The following SELENOK variants were observed in gnomAD, a reference collection of about 807,000 sequenced individuals.
The protein encoded by SELENOK is selenoprotein K.
In SELENOK, 11 loss-of-function variants were observed where a neutral mutation model predicts 17.3. The observed-to-expected ratio is 0.63, with a 90% confidence interval of 0.40 to 1.05. The LOEUF (loss-of-function observed/expected upper bound fraction) is 1.05, where lower values mean the gene tolerates loss of function less well. SELENOK is among the 50% of genes least tolerant of loss of function. The pLI, the probability that SELENOK is intolerant of heterozygous loss-of-function variation, is 0.00. For synonymous variants in SELENOK, 45 were observed against 35.4 expected (o/e 1.27, Z -0.97); for missense variants, 125 against 113.9 (o/e 1.10, Z -0.44).
At chr3:53,889,649 C>G (rs1389172091) in intron 1 of SELENOK, among the ~76,000 whole-genome samples, 1 of 152,194 alleles carries the variant, frequency 6.6e-6, no homozygotes, top group Non-Finnish European at 1.5e-5. Context: ...ATGCTCACAC[C>G]ACTTCCATAT....
intron 2 of SELENOK, chr3:53,887,989 T>C (rs1471791483): frequency 2.6e-5 from 4 of 152,772 alleles, no homozygotes; most frequent in African/African-American, 7.2e-5. Context: ...TCTTTGGAAT[T>C]TTTTTTAAAC....
At position 53,886,863 on chromosome 3, in the gene SELENOK, T is replaced by C; in HGVS notation, c.182A>G (p.Asp61Gly). 1 of 1,562,554 alleles carries C rather than the reference T, an allele frequency of 6.4e-7. No homozygotes were observed. The highest frequency in any genetic ancestry group is 8.7e-7 in the Non-Finnish European group (1 of 1,151,424). The change falls in exon 3 of 5, where the codon GAT (aspartate) becomes GGT (glycine). Residue 61 changes from aspartate (D) to glycine (G), a missense_variant. By Grantham distance (94) the Asp-to-Gly change is moderately conservative. Coordinates refer to ENST00000495461, the MANE Select transcript of SELENOK (RefSeq NM_021237.5). ...SYGNSSDSRY[D>G]DGRGPPGNPP... ...TAAAAAGCTGTACCCTCTTCCATCA[T>C]CATATCTGGAATCAGATGAGTTTCC...
In SELENOK at chr3:53,888,453, G is replaced by A. The variant is rs1181239257; in HGVS notation, c.50C>T (p.Pro17Leu). 1.2e-6 allele frequency: 2 copies of A among 1,611,952 alleles called. No individual in the cohort carries two copies. Among genetic ancestry groups the A allele is most frequent in the Admixed American group, 3.3e-5 (2 of 59,976 alleles). ...GQVLDSRSQS[P>L]WRLSLITDFF... Reference sequence around the variant, plus strand: ...ATCTGTTATCAAAGATAATCTCCATGGAGACTGACTCCGGCTGTCCAACAC... The same window carrying A: ...ATCTGTTATCAAAGATAATCTCCATAGAGACTGACTCCGGCTGTCCAACAC... The change falls in exon 2 of 5, where the codon CCA becomes CTA. Residue 17 changes from proline to leucine, a missense_variant. By Grantham distance (98) the Pro-to-Leu change is moderately conservative. Transcript: ENST00000495461.
intron 1 of SELENOK, among the ~76,000 whole-genome samples, chr3:53,889,759 T>A (rs1244811257): frequency 6.6e-6 from 1 of 152,242 alleles, no homozygotes; most frequent in Non-Finnish European, 1.5e-5. Flanking sequence ...ATCAGTTATT[T>A]TTATAAAATT....
chr3:53,886,199 T>C (rs28374298), intron 3 of SELENOK, among the ~76,000 whole-genome samples: 3 of 152,096 alleles, frequency 2.0e-5, no homozygotes, highest in Non-Finnish European at 4.4e-5. Context: ...TTTTGCCAGG[T>C]AGAAACATAA....
chr3:53,890,646 A>T (rs1700161092), intron 1 of SELENOK, among the ~76,000 whole-genome samples: 1 of 152,242 alleles, frequency 6.6e-6, no homozygotes, highest in African/African-American at 2.4e-5. Context: ...GCTATAAAAC[A>T]GGCTATAAAA....
At chr3:53,889,157 T>A (rs1476839361) in intron 1 of SELENOK, among the ~76,000 whole-genome samples, 4 of 152,198 alleles carry the variant, frequency 2.6e-5, no homozygotes, top group African/African-American at 9.6e-5. Context: ...AAGAGTACAG[T>A]TCTGTGATAT....
chr3:53,888,296 A>C (rs1700141101), intron 2 of SELENOK, 97 bp downstream of exon 2: 1 of 776,536 alleles, frequency 1.3e-6, no homozygotes, highest in African/African-American at 1.7e-5. Flanking sequence ...AAACTGTTTC[A>C]GGAAAGTTGA....
chr3:53,885,460 A>T lies in SELENOK; in HGVS notation c.*98T>A. On this transcript the variant is annotated 3_prime_UTR_variant, in exon 5 of 5. Coordinates refer to ENST00000495461, the MANE Select transcript of SELENOK (RefSeq NM_021237.5). ...GAGCAGTCCTTGTTTAGACATACAC[A>T]TTCATCTACTGCTCATCATGGTCAG... 8.5e-7 allele frequency: 1 copy of T among 1,181,640 alleles called. No individual in the cohort carries two copies. Among genetic ancestry groups the T allele is most frequent in the South Asian group, 1.3e-5 (1 of 74,852 alleles). 73.2% of individuals were successfully genotyped at this position (1,181,640 alleles called of 1,614,324 possible).
At chr3:53,891,256 C>CCTGTGATCGAATCCCGACTTGG (rs1362821400) in intron 1 of SELENOK, among the ~76,000 whole-genome samples, 1 of 152,174 alleles carries the variant, frequency 6.6e-6, no homozygotes, top group Non-Finnish European at 1.5e-5. Flanking sequence ...CGTCAGCCTA[C>CCTGTGATCGAATCCCGACTTGG]CTGTGATCGA....
At chr3:53,889,479 A>G (rs1700152304) in intron 1 of SELENOK, among the ~76,000 whole-genome samples, 1 of 152,240 alleles carries the variant, frequency 6.6e-6, no homozygotes, top group Non-Finnish European at 1.5e-5. Flanking sequence ...CCTTGTATGT[A>G]TATACTACAT....
At chr3:53,891,703 G>A in intron 1 of SELENOK, 67 bp downstream of exon 1, 1 of 1,596,124 alleles carries the variant, frequency 6.3e-7, no homozygotes. Flanking sequence ...AGCGAGCGAC[G>A]ATGAAAGGAA....
In SELENOK at chr3:53,891,775, G is replaced by A; in HGVS notation, c.14C>T (p.Ser5Leu). The A allele has an allele frequency of 1.2e-6, 2 of 1,614,000 alleles. No individual in the cohort carries two copies. Among genetic ancestry groups the A allele is most frequent in the Middle Eastern group, 1.6e-4 (1 of 6,062 alleles). The change falls in exon 1 of 5, where the codon TCG becomes TTG. Residue 5 changes from serine to leucine, a missense_variant. Physicochemically the swap from Ser to Leu is moderately radical, Grantham distance 145 (BLOSUM62 -2). Transcript: ENST00000495461. ...ACAGCCCGCTCTCAACTTACCGTTC[G>A]AGATGTAAACCATCTTGTCCCACTT... is the stretch of plus-strand genomic sequence containing the variant. MVYI[S>L]NGQVLDSRSQ...
intron 1 of SELENOK, among the ~76,000 whole-genome samples, chr3:53,890,171 G>C (rs1265176266): frequency 6.6e-6 from 1 of 152,142 alleles, no homozygotes; most frequent in Non-Finnish European, 1.5e-5. Flanking sequence ...AAGTTTAGAG[G>C]GTGGGTGACA....
At chr3:53,888,140 T>C (rs1041758158) in intron 2 of SELENOK, 28 of 324,090 alleles carry the variant, frequency 8.6e-5, no homozygotes, top group South Asian at 3.2e-4. Context: ...CAGCCATAGG[T>C]TGAAGTAGTT....
chr3:53,889,195 C>A (rs1306146614), intron 1 of SELENOK, among the ~76,000 whole-genome samples: 1 of 152,042 alleles, frequency 6.6e-6, no homozygotes, highest in African/African-American at 2.4e-5. Context: ...GATGCACAAC[C>A]ATCACCACCA....
In SELENOK at chr3:53,889,035, C is replaced by T. The variant is rs146897046; in HGVS notation, c.20-552G>A. Among the ~76,000 whole-genome samples, 1,500 of 150,608 alleles carry T rather than the reference C, an allele frequency of 1.0e-2. 19 individuals carry two copies. Among genetic ancestry groups the T allele is most frequent in the African/African-American group, 0.033 (1,357 of 40,898 alleles). ...TGGCGCCACTGCACTCCAGCCTGGG[C>T]GACAGAGCAAGAAAAAAAAAACAAA... On this transcript the variant is annotated intron_variant, in intron 1 of 4. Coordinates refer to ENST00000495461, the MANE Select transcript of SELENOK (RefSeq NM_021237.5).
intron 2 of SELENOK, among the ~76,000 whole-genome samples, chr3:53,887,231 G>GTT (rs1700134253): frequency 6.6e-6 from 1 of 152,142 alleles, no homozygotes; most frequent in Non-Finnish European, 1.5e-5. Flanking sequence ...CAGCCATCGG[G>GTT]TTTTTACAGT....
intron 3 of SELENOK, among the ~76,000 whole-genome samples, 199 bp from the exon 4 acceptor site, chr3:53,886,111 G>A (rs1700124014): frequency 6.6e-6 from 1 of 152,128 alleles, no homozygotes. Context: ...TGCACACAAG[G>A]AACTGAGTCA....
Sources: allele counts gnomAD v4.1 joint callset (sites outside exome capture counted in the v4.1 genomes callset), GRCh38; gene constraint gnomAD v4.1.1; transcripts MANE v1.5; gene names NCBI Gene and HGNC (gene_info 2026-07-23, HGNC 2026-07-21).